Variants in FBXO31 observed in about 807,000 individuals in gnomAD.
FBXO31 encodes the protein F-box protein 31.
In FBXO31, 24 loss-of-function variants were observed where a neutral mutation model predicts 54.4. The observed-to-expected ratio is 0.44, with a 90% CI of 0.32 to 0.62. The LOEUF (loss-of-function observed/expected upper bound fraction) is 0.62. FBXO31 is among the 20% of genes least tolerant of loss of function. FBXO31 has a pLI of 0.05. For missense variants in FBXO31, 665 were observed against 787.1 expected (o/e 0.84, Z 1.86); for synonymous variants, 388 against 335.6 (o/e 1.16, Z -1.71).
At chr16:87,384,560 G>T (rs180948064), upstream of FBXO31, among the ~76,000 whole-genome samples, 1 of 152,372 alleles carries the variant, frequency 6.6e-6, no homozygotes, top group African/African-American at 2.4e-5. Flanking sequence ...GCCGCTGAGC[G>T]GGGTCGTCTC....
chr16:87,378,854 C>A (rs995548030), intron 1 of FBXO31, among the ~76,000 whole-genome samples: 2 of 150,724 alleles, frequency 1.3e-5, no homozygotes, highest in African/African-American at 4.9e-5. Context: ...CCCAGCTACT[C>A]GGGAGGCTGA....
At chr16:87,380,579 G>C (rs992724581) in intron 1 of FBXO31, among the ~76,000 whole-genome samples, 1 of 152,084 alleles carries the variant, frequency 6.6e-6, no homozygotes, top group Non-Finnish European at 1.5e-5. Flanking sequence ...TGTAGAGATG[G>C]GTTTTACCAT....
chr16:87,339,488 G>C (rs998136386), intron 5 of FBXO31, among the ~76,000 whole-genome samples: 16 of 152,228 alleles, frequency 1.1e-4, no homozygotes, highest in African/African-American at 3.6e-4. Context: ...GGAGGGCGCA[G>C]CCAGTGCAGC....
intron 2 of FBXO31, among the ~76,000 whole-genome samples, chr16:87,354,931 C>T: frequency 6.6e-6 from 1 of 151,692 alleles, no homozygotes; most frequent in East Asian, 2.0e-4. Context: ...CGCGCCACTG[C>T]ACTCCAGCCT....
intron 2 of FBXO31, among the ~76,000 whole-genome samples, chr16:87,351,026 T>C (rs1208482497): frequency 2.6e-5 from 4 of 152,226 alleles, no homozygotes; most frequent in Non-Finnish European, 1.5e-5. Context: ...GCTCCTTTAG[T>C]CTGTGACGGC....
At chr16:87,385,132 C>T (rs1907282529), upstream of FBXO31, among the ~76,000 whole-genome samples, 1 of 149,288 alleles carries the variant, frequency 6.7e-6, no homozygotes, top group Admixed American at 6.7e-5. Flanking sequence ...CCAGCCTACC[C>T]ACATAGTGAG....
At chr16:87,347,537 G>A (rs147871948) in intron 2 of FBXO31, among the ~76,000 whole-genome samples, 1,648 of 152,160 alleles carry the variant, frequency 0.011, 12 homozygotes, top group Non-Finnish European at 0.019. Context: ...AAAATTAGCC[G>A]GGTGTGGTGG....
At chr16:87,362,781 G>C (rs1004988411) in intron 1 of FBXO31, among the ~76,000 whole-genome samples, 3 of 152,176 alleles carry the variant, frequency 2.0e-5, no homozygotes, top group Non-Finnish European at 4.4e-5. Context: ...GGCCAGGCTG[G>C]TCTCCAACTC....
In FBXO31 at chr16:87,336,605, C is replaced by T. The variant is rs1185428011; in HGVS notation, c.733-341G>A. On this transcript the variant is annotated intron_variant, in intron 5 of 8. Coordinates refer to ENST00000311635, the MANE Select transcript of FBXO31 (RefSeq NM_024735.5). The surrounding 1 kb of genome is among the most constrained non-coding windows in gnomAD (Gnocchi z 6.5). ...CTCCCTTCCATGCCCACCGGTGGGG[C>T]AGGAACAGCATCTACACAGACTCTG... 2.0e-5 allele frequency among the ~76,000 whole-genome samples: 3 copies of T among 151,642 alleles called. No individual in the cohort carries two copies. Among genetic ancestry groups the T allele is most frequent in the Non-Finnish European group, 4.4e-5 (3 of 67,884 alleles).
At chr16:87,351,197 C>G (rs1330330521) in intron 2 of FBXO31, among the ~76,000 whole-genome samples, 1 of 152,198 alleles carries the variant, frequency 6.6e-6, no homozygotes, top group Non-Finnish European at 1.5e-5. Flanking sequence ...GGCTATCGCA[C>G]AAGCAAACGG....
rs141220427 is a variant in FBXO31 at position 87,361,069 on chromosome 16, G to A, written c.341-703C>T. ...CCCAGGTCCTCCGGCTTGGGTCTCC[G>A]CTAGCCTTTGAAAGGAAAGACCGCC... On this transcript the variant is annotated intron_variant, in intron 1 of 8. Coordinates refer to ENST00000311635, the MANE Select transcript of FBXO31 (RefSeq NM_024735.5). Among the ~76,000 whole-genome samples the A allele has an allele frequency of 4.9e-3, 748 of 152,248 alleles. 5 individuals are homozygous for A. The highest frequency in any genetic ancestry group is 0.017 in the African/African-American group (688 of 41,534).
chr16:87,352,970 A>T (rs981749542), intron 2 of FBXO31, among the ~76,000 whole-genome samples: 2 of 152,190 alleles, frequency 1.3e-5, no homozygotes, highest in Non-Finnish European at 2.9e-5. Flanking sequence ...CCATGCTAGG[A>T]GACCGGCGGG....
chr16:87,349,824 A>G (rs1905565626), intron 2 of FBXO31, among the ~76,000 whole-genome samples: 1 of 150,154 alleles, frequency 6.7e-6, no homozygotes, highest in Non-Finnish European at 1.5e-5. Flanking sequence ...TGGGAGGACC[A>G]CTTGAGCCCG....
At chr16:87,389,080 C>T (rs1027936594) in intron 1 of FBXO31, among the ~76,000 whole-genome samples, 6 of 152,012 alleles carry the variant, frequency 3.9e-5, no homozygotes, top group African/African-American at 1.4e-4. Context: ...CTCAAGCACA[C>T]TTATGCTTCC....
intron 2 of FBXO31, among the ~76,000 whole-genome samples, chr16:87,355,076 A>T (rs1905834450): frequency 6.6e-6 from 1 of 151,154 alleles, no homozygotes; most frequent in Non-Finnish European, 1.5e-5. Flanking sequence ...ATGTTAGCTC[A>T]GCCAGGCGCA....
intron 2 of FBXO31, among the ~76,000 whole-genome samples, chr16:87,359,124 C>G (rs917848112): frequency 6.6e-6 from 1 of 152,246 alleles, no homozygotes; most frequent in Non-Finnish European, 1.5e-5. Flanking sequence ...TTTGCTTTGG[C>G]CACTGCAGAC....
chr16:87,362,043 A>G (rs1906157504), intron 1 of FBXO31, among the ~76,000 whole-genome samples: 1 of 149,470 alleles, frequency 6.7e-6, no homozygotes, highest in African/African-American at 2.6e-5. Context: ...GAGGAGACGC[A>G]TTTTAGTTCT....
intron 4 of FBXO31, 56 bp from the exon 5 acceptor site, chr16:87,343,007 C>G (rs2150673885): frequency 6.8e-7 from 1 of 1,478,474 alleles, no homozygotes; most frequent in East Asian, 2.4e-5. Flanking sequence ...TCCATCACAG[C>G]ATCCCCCACC....
chr16:87,391,313 A>C (rs1020936836), upstream of FBXO31, among the ~76,000 whole-genome samples: 2 of 152,094 alleles, frequency 1.3e-5, no homozygotes, highest in South Asian at 2.1e-4. Flanking sequence ...TCTCAAAAAA[A>C]CCCCAAAGAA....
Sources: allele counts gnomAD v4.1 joint callset (sites outside exome capture counted in the v4.1 genomes callset), GRCh38; gene constraint gnomAD v4.1.1; non-coding constraint Gnocchi (gnomAD v3.1); transcripts MANE v1.5; gene names NCBI Gene and HGNC (gene_info 2026-07-23, HGNC 2026-07-21).